The following ZNF292 variants were observed in gnomAD, a reference collection of about 807,000 sequenced individuals.
ZNF292 encodes the protein zinc finger protein 292.
A neutral mutation model predicts 217.9 loss-of-function variants in ZNF292; 26 were observed. That is an observed-to-expected ratio of 0.12 (90% confidence interval 0.09 to 0.17). ZNF292 has a LOEUF of 0.17. Among genes scored for constraint, ZNF292 ranks in the 10% least tolerant of loss-of-function variants. The pLI is 1.00. For missense variants in ZNF292, 2,904 were observed against 3,175.2 expected (o/e 0.91, Z 2.05); for synonymous variants, 1,257 against 1,124.1 (o/e 1.12, Z -2.37).
At chr6:87,209,679 C>T (rs541833629) in intron 1 of ZNF292, among the ~76,000 whole-genome samples, 1 of 152,074 alleles carries the variant, frequency 6.6e-6, no homozygotes, top group African/African-American at 2.4e-5. Flanking sequence ...AAAACAATGC[C>T]TCTCTTTTCA....
chr6:87,240,354 G>A (rs1774212557), intron 5 of ZNF292, among the ~76,000 whole-genome samples: 1 of 150,284 alleles, frequency 6.7e-6, no homozygotes, highest in African/African-American at 2.4e-5. Context: ...AAGAGAGGGA[G>A]AGGGAGACCC....
chr6:87,165,123 T>C (rs1208843192), intron 1 of ZNF292, among the ~76,000 whole-genome samples: 2 of 152,180 alleles, frequency 1.3e-5, no homozygotes, highest in Non-Finnish European at 2.9e-5. Context: ...TCTGAATTTG[T>C]TGTGTTACAT....
intron 4 of ZNF292, among the ~76,000 whole-genome samples, chr6:87,228,463 T>G: frequency 6.6e-6 from 1 of 152,242 alleles, no homozygotes. Flanking sequence ...TTGCTTTTGT[T>G]GCCTATGACA....
intron 1 of ZNF292, chr6:87,169,986 T>C (rs1267731769): frequency 6.4e-6 from 1 of 155,088 alleles, no homozygotes; most frequent in African/African-American, 2.4e-5. Context: ...ACATTTTGCA[T>C]TTTTCTACAT....
intron 1 of ZNF292, among the ~76,000 whole-genome samples, chr6:87,168,414 T>C (rs958963253): frequency 6.6e-6 from 1 of 152,230 alleles, no homozygotes; most frequent in Non-Finnish European, 1.5e-5. Flanking sequence ...TGTCTTCATG[T>C]GGAACATTTG....
At position 87,218,752 on chromosome 6, in the gene ZNF292, GA is replaced by G. The variant is rs766222377; in HGVS notation, c.538+29del. The G allele has an allele frequency of 7.8e-6, 12 of 1,543,880 alleles. No individual in the cohort carries two copies. The Admixed American group carries it at 9.0e-5, about 12-fold the overall frequency. On this transcript the variant is annotated intron_variant, in intron 4 of 7. Coordinates refer to ENST00000369577, the MANE Select transcript of ZNF292 (RefSeq NM_015021.3). Reference sequence around the variant, plus strand: ...TAAAGGTAAATTTTCGAGAGACAGAGAAAAAAAAGAATAATTAGACTAGAAA... The same window carrying G: ...TAAAGGTAAATTTTCGAGAGACAGAGAAAAAAAGAATAATTAGACTAGAAA...
At chr6:87,189,492 T>C (rs1771766619) in intron 1 of ZNF292, among the ~76,000 whole-genome samples, 1 of 152,128 alleles carries the variant, frequency 6.6e-6, no homozygotes, top group East Asian at 1.9e-4. Flanking sequence ...AGGATACACA[T>C]TACATTTGTA....
intron 1 of ZNF292, among the ~76,000 whole-genome samples, chr6:87,198,402 C>CTAAAAT (rs1772019877): frequency 6.6e-6 from 1 of 152,094 alleles, no homozygotes; most frequent in Non-Finnish European, 1.5e-5. Flanking sequence ...GACAGGGTTT[C>CTAAAAT]ACTGTGTTAG....
intron 1 of ZNF292, among the ~76,000 whole-genome samples, chr6:87,183,755 A>C (rs1293692273): frequency 6.6e-6 from 1 of 152,190 alleles, no homozygotes; most frequent in East Asian, 1.9e-4. Flanking sequence ...TAAGCAGATA[A>C]GCCATTATTC....
At chr6:87,231,227 A>G (rs940524318) in intron 4 of ZNF292, among the ~76,000 whole-genome samples, 6 of 152,222 alleles carry the variant, frequency 3.9e-5, no homozygotes, top group African/African-American at 1.4e-4. Context: ...TGAACTTCAG[A>G]ATATATAATT....
intron 1 of ZNF292, among the ~76,000 whole-genome samples, chr6:87,177,234 G>A (rs1201880794): frequency 1.3e-5 from 2 of 151,986 alleles, no homozygotes; most frequent in African/African-American, 4.8e-5. Flanking sequence ...TGCTGAGGCA[G>A]GAGAATCACT....
chr6:87,234,236 C>T (rs985365130), intron 5 of ZNF292, among the ~76,000 whole-genome samples: 1 of 152,046 alleles, frequency 6.6e-6, no homozygotes, highest in African/African-American at 2.4e-5. Flanking sequence ...AGAAACAGGG[C>T]GTGTATATTT....
At chr6:87,159,580 A>G (rs1305891791) in intron 1 of ZNF292, among the ~76,000 whole-genome samples, 1 of 147,766 alleles carries the variant, frequency 6.8e-6, no homozygotes, top group Non-Finnish European at 1.5e-5. Context: ...TGGGCTCACC[A>G]CAACCTCCGC....
chr6:87,264,934 G>C lies in ZNF292; in HGVS notation c.*3133G>C, dbSNP rs780790520. ...AAAAAATGATGGGAGCCAGAAGAAAGGCTAACGAAGTTGGGGAAGAGACTA... is the reference window on the plus strand; with the variant it reads ...AAAAAATGATGGGAGCCAGAAGAAACGCTAACGAAGTTGGGGAAGAGACTA... On this transcript the variant is annotated 3_prime_UTR_variant, in exon 8 of 8. Coordinates refer to ENST00000369577, the MANE Select transcript of ZNF292 (RefSeq NM_015021.3). Among the ~76,000 whole-genome samples the C allele has an allele frequency of 3.9e-5, 6 of 152,164 alleles. No individual in the cohort carries two copies. The highest frequency in any genetic ancestry group is 7.2e-5 in the African/African-American group (3 of 41,438).
chr6:87,205,781 CTG>C (rs1283673207), intron 1 of ZNF292, among the ~76,000 whole-genome samples: 8 of 152,054 alleles, frequency 5.3e-5, no homozygotes, highest in Non-Finnish European at 1.0e-4. Flanking sequence ...TCACCACAAT[CTG>C]TGTCTTTATT....
At chr6:87,229,924 A>C (rs1002349291) in intron 4 of ZNF292, among the ~76,000 whole-genome samples, 2 of 143,794 alleles carry the variant, frequency 1.4e-5, no homozygotes, top group Non-Finnish European at 3.1e-5. Context: ...GGAGACGACT[A>C]GTAGATTGCT....
At chr6:87,205,147 A>C (rs1032992123) in intron 1 of ZNF292, among the ~76,000 whole-genome samples, 6 of 152,096 alleles carry the variant, frequency 3.9e-5, no homozygotes, top group African/African-American at 1.2e-4. Flanking sequence ...ATCATAGCTC[A>C]CTGCAACCTC....
At chr6:87,242,554 G>A (rs527673681) in intron 5 of ZNF292, among the ~76,000 whole-genome samples, 1 of 152,242 alleles carries the variant, frequency 6.6e-6, no homozygotes, top group South Asian at 2.1e-4. Context: ...ACTAGGAGAG[G>A]CATAGTCTCT....
chr6:87,184,849 C>T (rs1003646829), intron 1 of ZNF292, among the ~76,000 whole-genome samples: 1 of 152,170 alleles, frequency 6.6e-6, no homozygotes, highest in Admixed American at 6.5e-5. Flanking sequence ...ACAAAGGCCC[C>T]TGAGCCTGAA....
Sources: gnomAD v4.1 joint callset for allele counts (sites outside exome capture counted in the v4.1 genomes callset) on GRCh38, gnomAD v4.1.1 for gene constraint, MANE v1.5 for transcripts, NCBI Gene and HGNC (gene_info 2026-07-23, HGNC 2026-07-21) for gene names.